Variants in TSPAN15 observed in about 807,000 individuals in gnomAD.
TSPAN15 encodes tetraspanin 15.
A neutral mutation model predicts 34.5 loss-of-function variants in TSPAN15; 20 were observed. That is an observed-to-expected ratio of 0.58 (90% confidence interval 0.41 to 0.84). The LOEUF (loss-of-function observed/expected upper bound fraction) is 0.84. TSPAN15 is among the 40% of genes least tolerant of loss of function. TSPAN15 has a pLI of 0.00. For missense variants in TSPAN15, 313 were observed against 386.1 expected (o/e 0.81, Z 1.59); for synonymous variants, 155 against 153.9 (o/e 1.01, Z -0.05).
At chr10:69,522,749 C>T in the TSPAN15 span, among the ~76,000 whole-genome samples, 1 of 147,658 alleles carries the variant, frequency 6.8e-6, no homozygotes, top group Non-Finnish European at 1.5e-5. Context: ...CCGAAACCAT[C>T]CCCTTCCATC....
At chr10:69,469,219 C>A (rs963956236) in intron 1 of TSPAN15, among the ~76,000 whole-genome samples, 8 of 152,124 alleles carry the variant, frequency 5.3e-5, no homozygotes, top group African/African-American at 1.4e-4. Flanking sequence ...AAGGGGTGAG[C>A]GTGGGCTCAG....
At chr10:69,464,165 C>T (rs992608552) in intron 1 of TSPAN15, among the ~76,000 whole-genome samples, 7 of 152,220 alleles carry the variant, frequency 4.6e-5, no homozygotes, top group African/African-American at 1.4e-4. Context: ...GTATGGCTCA[C>T]CAGACACCTT....
downstream of TSPAN15, among the ~76,000 whole-genome samples, chr10:69,508,470 AGAAG>A (rs1842381658): frequency 7.4e-6 from 1 of 135,274 alleles, no homozygotes; most frequent in South Asian, 2.4e-4. Flanking sequence ...AAAAAAAAAA[AGAAG>A]AAGAAATAAA....
chr10:69,543,328 C>T, the TSPAN15 span, among the ~76,000 whole-genome samples: 1 of 152,208 alleles, frequency 6.6e-6, no homozygotes, highest in African/African-American at 2.4e-5. Flanking sequence ...TCAAGTACCC[C>T]TAATATCTTG....
chr10:69,498,312 T>C lies in TSPAN15; in HGVS notation c.486T>C (p.Asp162=). The change falls in exon 5 of 8, where the codon GAT becomes GAC. Residue 162 remains aspartate (D), a synonymous_variant. Transcript: ENST00000373290. ...GCTGTGGCGGGGAGGACTACCGAGA[T>C]TGGAGCAAGAATCAGTACCACGACT... ...FKCCGGEDYR[D]WSKNQYHDCS... is the part of the protein sequence containing the mutation. 6.2e-7 allele frequency: 1 copy of C among 1,613,612 alleles called. No homozygotes were observed. Among genetic ancestry groups the C allele is most frequent in the Non-Finnish European group, 8.5e-7 (1 of 1,179,944 alleles).
chr10:69,462,047 C>T (rs1175099083), intron 1 of TSPAN15, among the ~76,000 whole-genome samples: 1 of 151,774 alleles, frequency 6.6e-6, no homozygotes, highest in South Asian at 2.1e-4. Context: ...GTGGTCCAAT[C>T]ATGGCTCACT....
intron 1 of TSPAN15, among the ~76,000 whole-genome samples, chr10:69,471,613 C>G (rs1428456080): frequency 6.6e-6 from 1 of 151,204 alleles, no homozygotes; most frequent in Non-Finnish European, 1.5e-5. Context: ...CCCTCCCCTC[C>G]CCTTCTCTTT....
chr10:69,455,625 T>TCTCCCC (rs1554830569), intron 1 of TSPAN15, among the ~76,000 whole-genome samples: 2 of 82,834 alleles, frequency 2.4e-5, no homozygotes, highest in African/African-American at 9.9e-5. Flanking sequence ...TCTCTCTCTC[T>TCTCCCC]CCCCCCCCCG....
At chr10:69,521,365 C>G in the TSPAN15 span, among the ~76,000 whole-genome samples, 1 of 146,988 alleles carries the variant, frequency 6.8e-6, no homozygotes, top group Non-Finnish European at 1.5e-5. Context: ...CAAAAATTAG[C>G]CAGGTGTGGT....
intron 1 of TSPAN15, among the ~76,000 whole-genome samples, chr10:69,474,859 C>A (rs1172997587): frequency 1.3e-5 from 2 of 152,160 alleles, no homozygotes; most frequent in East Asian, 3.9e-4. Context: ...CTTCCTGTCT[C>A]ACTGCCAGGG....
chr10:69,511,982 T>C (rs1172879616), downstream of TSPAN15, among the ~76,000 whole-genome samples: 1 of 152,122 alleles, frequency 6.6e-6, no homozygotes, highest in East Asian at 1.9e-4. Context: ...AGGGAATACC[T>C]AATGTAGATG....
At chr10:69,504,615 A>G (rs1842286655) in intron 6 of TSPAN15, 130 bp downstream of exon 6, 2 of 940,286 alleles carry the variant, frequency 2.1e-6, no homozygotes, top group East Asian at 4.9e-5. Context: ...TGTGACCCAG[A>G]GCCAGGACTG....
At chr10:69,474,622 G>A (rs1042733405) in intron 1 of TSPAN15, among the ~76,000 whole-genome samples, 4 of 152,214 alleles carry the variant, frequency 2.6e-5, no homozygotes, top group Admixed American at 6.5e-5. Context: ...CCTGGCCAGA[G>A]GAAGGAGGAG....
chr10:69,493,096 AC>A (rs1306401489), intron 3 of TSPAN15, among the ~76,000 whole-genome samples: 1 of 151,672 alleles, frequency 6.6e-6, no homozygotes, highest in Non-Finnish European at 1.5e-5. Context: ...TTTTTTAGGC[AC>A]CCCCAACCAC....
At chr10:69,459,145 C>T (rs1297959705) in intron 1 of TSPAN15, among the ~76,000 whole-genome samples, 1 of 149,328 alleles carries the variant, frequency 6.7e-6, no homozygotes, top group Admixed American at 6.7e-5. Flanking sequence ...AACAACCTTT[C>T]CCAGAGAGAA....
chr10:69,506,178 A>T lies in TSPAN15; in HGVS notation c.673A>T (p.Ile225Phe), dbSNP rs199841264. 3.7e-6 allele frequency: 6 copies of T among 1,614,194 alleles called. No individual in the cohort carries two copies. Among genetic ancestry groups the T allele is most frequent in the Non-Finnish European group, 5.1e-6 (6 of 1,180,034 alleles). The part of the protein sequence containing the change: ...YVRGCTNAVI[I>F]WFMDNYTIMA... ...GCGGGGCTGCACCAACGCCGTGATC[A>T]TCTGGTTCATGGACAACTACACCAT... Residue 225 changes from isoleucine to phenylalanine, a missense_variant, in exon 7 of 8, where the codon ATC becomes TTC. Ile to Phe is a conservative substitution (Grantham distance 21). Coordinates refer to ENST00000373290, the MANE Select transcript of TSPAN15 (RefSeq NM_012339.5). The surrounding 1 kb of genome is among the most constrained non-coding windows in gnomAD (Gnocchi z 4.7).
At chr10:69,543,736 G>A in the TSPAN15 span, among the ~76,000 whole-genome samples, 1 of 152,072 alleles carries the variant, frequency 6.6e-6, no homozygotes, top group Non-Finnish European at 1.5e-5. Flanking sequence ...TTCATTGCAA[G>A]CTAACAAGGG....
chr10:69,461,244 T>C (rs1841249245), intron 1 of TSPAN15, among the ~76,000 whole-genome samples: 3 of 152,188 alleles, frequency 2.0e-5, no homozygotes, highest in South Asian at 2.1e-4. Context: ...AGAACCATCA[T>C]TTGCATGTGT....
the TSPAN15 span, among the ~76,000 whole-genome samples, chr10:69,539,662 A>G: frequency 1.3e-5 from 2 of 152,154 alleles, no homozygotes; most frequent in Non-Finnish European, 2.9e-5. Flanking sequence ...CTCATGCTGA[A>G]GAAGTCTCCA....
Sources: gnomAD v4.1 joint callset for allele counts (sites outside exome capture counted in the v4.1 genomes callset) on GRCh38, gnomAD v4.1.1 for gene constraint, Gnocchi (gnomAD v3.1) non-coding constraint, MANE v1.5 for transcripts, NCBI Gene and HGNC (gene_info 2026-07-23, HGNC 2026-07-21) for gene names.